ZNF780A: variants seen among roughly 807,000 people sequenced by gnomAD.
ZNF780A encodes zinc finger protein 780A.
In ZNF780A, 40 loss-of-function variants were observed where a neutral mutation model predicts 56.7. The ratio of observed to expected loss-of-function variants is 0.71; its 90% CI spans 0.55 to 0.92. The LOEUF (loss-of-function observed/expected upper bound fraction) is 0.92. Ranked by LOEUF, ZNF780A falls within the 40% of genes least tolerant of loss-of-function variation. The pLI is 0.00. For synonymous variants in ZNF780A, 231 were observed against 248.3 expected (o/e 0.93, Z 0.66); for missense variants, 672 against 783.3 (o/e 0.86, Z 1.70).
intron 5 of ZNF780A, among the ~76,000 whole-genome samples, chr19:40,079,815 T>C (rs760885770): frequency 6.6e-6 from 1 of 152,010 alleles, no homozygotes; most frequent in African/African-American, 2.4e-5. Flanking sequence ...CCAAAACCTA[T>C]GGGATACAGC....
At chr19:40,081,955 A>C (rs1974505044) in intron 4 of ZNF780A, 41 bp from the exon 5 acceptor site, 3 of 1,488,618 alleles carry the variant, frequency 2.0e-6, no homozygotes, top group Admixed American at 4.2e-5. Context: ...TTTTTAATAC[A>C]GATTTTTTTT....
intron 5 of ZNF780A, among the ~76,000 whole-genome samples, chr19:40,080,885 C>T (rs1007383835): frequency 2.6e-5 from 4 of 151,842 alleles, no homozygotes; most frequent in East Asian, 1.9e-4. Flanking sequence ...ACTGGATATC[C>T]GTATGTGATA....
Position 40,074,266 on chromosome 19 carries a change from C to A in ZNF780A, c.*250G>T. On this transcript the variant is annotated 3_prime_UTR_variant, in exon 6 of 6. Coordinates refer to ENST00000683561, the MANE Select transcript of ZNF780A (RefSeq NM_001142578.2). ...AAGGCCTTTCCACATTCTTTACATT[C>A]AAAGGGTTTTTTACCAGTGTGAATT... is the stretch of plus-strand genomic sequence containing the variant. The A allele has an allele frequency of 6.8e-7, 1 of 1,473,760 alleles. No homozygotes were observed. Among genetic ancestry groups the A allele is most frequent in the South Asian group, 1.5e-5 (1 of 67,584 alleles). 91.3% of individuals were successfully genotyped at this position (1,473,760 alleles called of 1,614,324 possible). A position where few individuals can be genotyped will look rare whatever the true frequency, so the allele number is the denominator to read the frequency against.
chr19:40,069,388 AC>A (rs1459567555), downstream of ZNF780A: 5 of 152,142 alleles, frequency 3.3e-5, no homozygotes, highest in East Asian at 7.7e-4. Flanking sequence ...TAGCTCACTC[AC>A]CCCTCAATCC....
rs180959807 is a variant in ZNF780A at position 40,079,764 on chromosome 19, A to T, written c.232+2055T>A. ...CAAGAAAGAACATAAGGAGGAAATT[A>T]AAAAATTTCTTGAAACAAATGAAAA... On this transcript the variant is annotated intron_variant, in intron 5 of 5. Coordinates refer to ENST00000683561, the MANE Select transcript of ZNF780A (RefSeq NM_001142578.2). Among the ~76,000 whole-genome samples, 11 of 152,268 alleles carry T rather than the reference A, an allele frequency of 7.2e-5. No individual in the cohort carries two copies. In the South Asian group the frequency reaches 1.2e-3, roughly 17 times the overall value.
At position 40,075,304 on chromosome 19, in the gene ZNF780A, T is replaced by C; in HGVS notation, c.1138A>G (p.Lys380Glu). The change falls in exon 6 of 6, where the codon AAG (lysine) becomes GAG (glutamate). Residue 380 changes from lysine to glutamate, a missense_variant. By Grantham distance (56) the Lys-to-Glu change is moderately conservative. Transcript: ENST00000683561. ...FSLLNQLNRH[K>E]NIHTGEKPFE... is the part of the protein sequence containing the mutation. ...GGTTTTTCACCTGTGTGAATGTTCT[T>C]ATGGCGATTAAGCTGGTTGAGAAGA... 1 of 1,613,370 alleles carries C rather than the reference T, an allele frequency of 6.2e-7. No homozygotes were observed. The highest frequency in any genetic ancestry group is 8.5e-7 in the Non-Finnish European group (1 of 1,179,832).
At position 40,073,317 on chromosome 19, in the gene ZNF780A, C is replaced by T. The variant is rs1358485882; in HGVS notation, c.*1199G>A. The T allele has an allele frequency of 1.2e-5, 3 of 254,750 alleles. No individual in the cohort carries two copies. Among genetic ancestry groups the T allele is most frequent in the Non-Finnish European group, 1.9e-5 (3 of 156,722 alleles). 15.8% of individuals were successfully genotyped at this position (254,750 alleles called of 1,614,324 possible). A position where few individuals can be genotyped will look rare whatever the true frequency, so the allele number is the denominator to read the frequency against. ...CCCAAAGCAATTACAATAGCAACAT[C>T]AAAAATCACTGGTCATTGATCACCA... On this transcript the variant is annotated 3_prime_UTR_variant, in exon 6 of 6. Transcript: ENST00000683561.
intron 5 of ZNF780A, among the ~76,000 whole-genome samples, chr19:40,079,365 GGAGA>G (rs1379276188): frequency 6.6e-6 from 1 of 151,934 alleles, no homozygotes; most frequent in African/African-American, 2.4e-5. Flanking sequence ...AGATCAAAAG[GGAGA>G]GAGATGTATT....
chr19:40,073,916 C>T lies in ZNF780A; in HGVS notation c.*600G>A. 1 of 1,018,126 alleles carries T rather than the reference C, an allele frequency of 9.8e-7. No homozygotes were observed. The highest frequency in any genetic ancestry group is 9.8e-5 in the East Asian group (1 of 10,230). The allele number at this position is 1,018,126 out of a possible 1,614,324, so 63.1% of individuals were successfully genotyped here. A position where few individuals can be genotyped will look rare whatever the true frequency, so the allele number is the denominator to read the frequency against. On this transcript the variant is annotated 3_prime_UTR_variant, in exon 6 of 6. Coordinates refer to ENST00000683561, the MANE Select transcript of ZNF780A (RefSeq NM_001142578.2). ...TGATCATCCACAGCAAATGCTTTCC[C>T]ATATTCCTTACATTATAGCGTTTCT...
In ZNF780A at chr19:40,084,750, C is replaced by T. The variant is rs548228931; in HGVS notation, c.4G>A (p.Val2Ile). M[V>I]HGSVTFRDVA... Reference sequence around the variant, plus strand: ...AGAGAGAAATACAAACTTACATGGACCATGTTGCTAGAATTACAAAACTGG... The same window carrying T: ...AGAGAGAAATACAAACTTACATGGATCATGTTGCTAGAATTACAAAACTGG... The change falls in exon 3 of 6, where the codon GTC (valine) becomes ATC (isoleucine). Residue 2 changes from valine (V) to isoleucine (I), a missense_variant. Val to Ile is a conservative substitution (Grantham distance 29). Coordinates refer to ENST00000683561, the MANE Select transcript of ZNF780A (RefSeq NM_001142578.2). The T allele has an allele frequency of 4.5e-6, 7 of 1,552,586 alleles. No homozygotes were observed. In the East Asian group the frequency reaches 7.3e-5, roughly 16 times the overall value.
intron 1 of ZNF780A, 46 bp downstream of exon 1, chr19:40,090,860 G>C (rs1214697293): frequency 1.3e-5 from 2 of 152,394 alleles, no homozygotes; most frequent in Admixed American, 1.3e-4. Flanking sequence ...AATCCGCAGA[G>C]ATCTCCCGCA....
chr19:40,084,679 A>C, intron 3 of ZNF780A, 66 bp downstream of exon 3: 1 of 1,487,322 alleles, frequency 6.7e-7, no homozygotes, highest in Non-Finnish European at 9.1e-7. Context: ...CTTCAGGTTA[A>C]ATAATAACAG....
At chr19:40,084,649 C>T in intron 3 of ZNF780A, 96 bp downstream of exon 3, 2 of 1,293,062 alleles carry the variant, frequency 1.5e-6, no homozygotes, top group South Asian at 2.8e-5. Context: ...GGTGTAAGAT[C>T]GTGAATTCTA....
intron 5 of ZNF780A, among the ~76,000 whole-genome samples, chr19:40,080,668 C>T (rs544328509): frequency 6.6e-6 from 1 of 152,074 alleles, no homozygotes; most frequent in African/African-American, 2.4e-5. Flanking sequence ...ACATCAGGGC[C>T]TACTTGAGAG....
intron 2 of ZNF780A, chr19:40,089,166 T>C: frequency 8.4e-7 from 1 of 1,194,080 alleles, no homozygotes. Flanking sequence ...GCTAGGAGGG[T>C]GGATATTAAG....
At position 40,084,779 on chromosome 19, in the gene ZNF780A, A is replaced by G. The variant is rs757950630; in HGVS notation, c.-26T>C. 6.4e-7 allele frequency: 1 copy of G among 1,553,328 alleles called. No individual in the cohort carries two copies. Among genetic ancestry groups the G allele is most frequent in the East Asian group, 2.4e-5 (1 of 41,248 alleles). On this transcript the variant is annotated 5_prime_UTR_variant, in exon 3 of 6. Coordinates refer to ENST00000683561, the MANE Select transcript of ZNF780A (RefSeq NM_001142578.2). The stretch of plus-strand genomic sequence containing the variant: ...GTTGCTAGAATTACAAAACTGGTCA[A>G]TCTTCCTCGGGCTTCTCCCCTGGAA...
In ZNF780A at chr19:40,073,507, A is replaced by G. The variant is rs1973913414; in HGVS notation, c.*1009T>C. 4.1e-6 allele frequency: 4 copies of G among 985,738 alleles called. No homozygotes were observed. Among genetic ancestry groups the G allele is most frequent in the Admixed American group, 1.2e-4 (2 of 16,292 alleles). 61.1% of individuals were successfully genotyped at this position (985,738 alleles called of 1,614,324 possible). On this transcript the variant is annotated 3_prime_UTR_variant, in exon 6 of 6. Transcript: ENST00000683561. ...GTTTGTATAAAACACAATAACTGCA[A>G]TGCACAATTCAGCGAGGTATGCCTG...
downstream of ZNF780A, chr19:40,070,566 A>G (rs1046141400): frequency 2.0e-5 from 3 of 152,210 alleles, no homozygotes; most frequent in Non-Finnish European, 4.4e-5. Flanking sequence ...TTGAAAAGCA[A>G]CTAAAATTGA....
chr19:40,076,357 C>G, intron 5 of ZNF780A, 148 bp from the exon 6 acceptor site: 1 of 765,732 alleles, frequency 1.3e-6, no homozygotes, highest in Non-Finnish European at 2.0e-6. Flanking sequence ...GTAGATAGAA[C>G]CTTTCTCATA....
Sources: gnomAD v4.1 joint callset for allele counts (sites outside exome capture counted in the v4.1 genomes callset) on GRCh38, gnomAD v4.1.1 for gene constraint, MANE v1.5 for transcripts, NCBI Gene and HGNC (gene_info 2026-07-23, HGNC 2026-07-21) for gene names.